NTRK3: variants seen among roughly 807,000 people sequenced by gnomAD.
NTRK3 encodes the protein neurotrophic receptor tyrosine kinase 3.
Under a neutral mutation model 91.7 loss-of-function variants are expected in NTRK3, and 24 were observed. The ratio of observed to expected loss-of-function variants is 0.26; its 90% CI spans 0.19 to 0.37. The LOEUF is 0.37. NTRK3 is among the 10% of genes least tolerant of loss of function. The pLI is 1.00. For missense variants in NTRK3, 880 were observed against 1,068.9 expected, an observed-to-expected ratio of 0.82 and a Z score of 2.46; for synonymous variants, 483 against 404.0, an observed-to-expected ratio of 1.20 and a Z score of -2.34.
chr15:87,881,759 T>C (rs1402074221), intron 17 of NTRK3, among the ~76,000 whole-genome samples: 1 of 151,998 alleles, frequency 6.6e-6, no homozygotes, highest in Admixed American at 6.6e-5. Context: ...AGAGAAATAA[T>C]AACAATGAAT....
intron 17 of NTRK3, chr15:87,908,502 G>C (rs552657003): frequency 2.5e-6 from 1 of 399,682 alleles, no homozygotes; most frequent in Non-Finnish European, 4.4e-6. Context: ...GGAAGCTGCC[G>C]TTGCTGCTAG....
chr15:88,072,091 C>T (rs181707207), intron 13 of NTRK3, among the ~76,000 whole-genome samples: 10 of 148,616 alleles, frequency 6.7e-5, no homozygotes, highest in Middle Eastern at 3.5e-3. Flanking sequence ...CTGTAACCTC[C>T]GCCTCCCGGG....
Position 88,234,203 on chromosome 15 carries a change from G to A in NTRK3, c.248+21703C>T, listed in dbSNP as rs2051473918. ...CACATCTGCCCCTCTCAGGATCCAA[G>A]GTTGTCTCTCATCGCCCCCCGCTCG... On this transcript the variant is annotated intron_variant, in intron 3 of 18. Transcript: ENST00000394480. This position sits in a 1 kb window ranked among gnomAD's most constrained non-coding sequence, Gnocchi z 6.1. 6.6e-6 allele frequency among the ~76,000 whole-genome samples: 1 copy of A among 151,982 alleles called. No homozygotes were observed. Among genetic ancestry groups the A allele is most frequent in the Non-Finnish European group, 1.5e-5 (1 of 67,996 alleles).
At chr15:88,159,139 C>CTG (rs2044201099) in intron 5 of NTRK3, among the ~76,000 whole-genome samples, 2 of 152,188 alleles carry the variant, frequency 1.3e-5, no homozygotes, top group South Asian at 4.1e-4. Context: ...GAAGCACATT[C>CTG]CTGTTCATTA....
chr15:88,163,809 C>G (rs1234416573), intron 5 of NTRK3, among the ~76,000 whole-genome samples: 1 of 152,162 alleles, frequency 6.6e-6, no homozygotes, highest in Non-Finnish European at 1.5e-5. Context: ...ATCTATTATC[C>G]TGGAATTTCA....
intron 3 of NTRK3, among the ~76,000 whole-genome samples, chr15:88,189,993 C>A (rs1316272230): frequency 1.3e-5 from 2 of 152,192 alleles, no homozygotes; most frequent in African/African-American, 2.4e-5. Flanking sequence ...CACCATCTAA[C>A]CCCAGAGGAC....
chr15:88,011,407 C>T (rs1482414735), intron 14 of NTRK3, among the ~76,000 whole-genome samples: 1 of 152,200 alleles, frequency 6.6e-6, no homozygotes, highest in African/African-American at 2.4e-5. Context: ...AAAATATGCA[C>T]ATTTCCATAT....
Position 87,896,436 on chromosome 15 carries a change from A to C in NTRK3, c.2134-16008T>G, listed in dbSNP as rs147276178. Among the ~76,000 whole-genome samples, 779 of 150,718 alleles carry C rather than the reference A, an allele frequency of 5.2e-3. 10 individuals carry two copies. Among genetic ancestry groups the C allele is most frequent in the East Asian group, 0.025 (129 of 5,142 alleles). On this transcript the variant is annotated intron_variant, in intron 17 of 18. Transcript: ENST00000394480. ...CAGTGAGCCAAGATCGCACCACTGC[A>C]CTCCAGCCTGGTGACAGGGTGAGAT...
At chr15:88,059,156 G>GA (rs1467046103) in intron 13 of NTRK3, among the ~76,000 whole-genome samples, 50 of 152,224 alleles carry the variant, frequency 3.3e-4, no homozygotes, top group African/African-American at 1.2e-3. Flanking sequence ...GCAGAGGGCA[G>GA]GAAAGGGGCT....
At chr15:88,064,786 G>C (rs890633331) in intron 13 of NTRK3, among the ~76,000 whole-genome samples, 1 of 152,200 alleles carries the variant, frequency 6.6e-6, no homozygotes, top group African/African-American at 2.4e-5. Flanking sequence ...TCTAGACTCA[G>C]TGTCTGTTCT....
At chr15:88,141,338 C>A (rs1991285) in intron 6 of NTRK3, among the ~76,000 whole-genome samples, 1 of 152,152 alleles carries the variant, frequency 6.6e-6, no homozygotes, top group African/African-American at 2.4e-5. Flanking sequence ...ATGTCTTCCA[C>A]GCATTTCTTC....
intron 13 of NTRK3, among the ~76,000 whole-genome samples, chr15:88,052,615 G>A (rs918994582): frequency 2.0e-5 from 3 of 152,178 alleles, no homozygotes; most frequent in Admixed American, 1.3e-4. Context: ...TGTAATTAAT[G>A]CTGATTGTAA....
At chr15:88,021,919 G>T (rs185800730) in intron 14 of NTRK3, among the ~76,000 whole-genome samples, 31 of 152,246 alleles carry the variant, frequency 2.0e-4, no homozygotes, top group African/African-American at 6.3e-4. Context: ...ATTCCTGCTT[G>T]TAGGTGGGAG....
chr15:88,077,152 T>G (rs1327284227), intron 13 of NTRK3, among the ~76,000 whole-genome samples: 2 of 152,114 alleles, frequency 1.3e-5, no homozygotes, highest in African/African-American at 4.8e-5. Context: ...AGCAGATAAA[T>G]GAAGGAATGG....
chr15:88,191,092 C>T (rs1206424213), intron 3 of NTRK3, among the ~76,000 whole-genome samples: 2 of 151,814 alleles, frequency 1.3e-5, no homozygotes, highest in African/African-American at 2.4e-5. Context: ...ATTTACATGG[C>T]GGTACCTAAG....
intron 14 of NTRK3, among the ~76,000 whole-genome samples, chr15:87,987,964 G>A (rs957385193): frequency 7.2e-5 from 11 of 152,024 alleles, no homozygotes; most frequent in Admixed American, 2.0e-4. Flanking sequence ...AATACTTTAC[G>A]CAGAGACTCC....
rs186085465 is a variant in NTRK3, at chr15:88,235,353, G to A, written c.248+20553C>T. ...AGGCTGGGCTGGTCGCTGGACCCAC[G>A]CAGTCAGTACCCTGCCGCAGACAGT... On this transcript the variant is annotated intron_variant, in intron 3 of 18. Coordinates refer to ENST00000394480, the Ensembl canonical transcript of NTRK3. This position sits in a 1 kb window ranked among gnomAD's most constrained non-coding sequence, Gnocchi z 5.2. 2.0e-5 allele frequency among the ~76,000 whole-genome samples: 3 copies of A among 152,250 alleles called. No homozygotes were observed. The highest frequency in any genetic ancestry group is 2.4e-5 in the African/African-American group (1 of 41,544).
chr15:87,903,791 T>C (rs1021667368), intron 17 of NTRK3, among the ~76,000 whole-genome samples: 3 of 152,174 alleles, frequency 2.0e-5, no homozygotes, highest in African/African-American at 7.2e-5. Context: ...AGACTTGGGA[T>C]AGCAATGAAA....
exon 16 of NTRK3, chr15:87,933,012 C>T: frequency 6.2e-7 from 1 of 1,614,020 alleles, no homozygotes; most frequent in East Asian, 2.2e-5. Context: ...CCTTGCTTAC[C>T]TGAGGAACTT....
Sources: allele counts gnomAD v4.1 joint callset (sites outside exome capture counted in the v4.1 genomes callset), GRCh38; gene constraint gnomAD v4.1.1; non-coding constraint Gnocchi (gnomAD v3.1); transcripts MANE v1.5; gene names NCBI Gene and HGNC (gene_info 2026-07-23, HGNC 2026-07-21).